Variants in SLC25A32 observed in about 807,000 individuals in gnomAD.
SLC25A32 encodes Glycine auxotroph B, complementation of hamster.
SLC25A32 carries 32 observed loss-of-function variants against 39.0 expected under a neutral mutation model. That is an observed-to-expected ratio of 0.82 (90% CI 0.62 to 1.10). SLC25A32 has a LOEUF of 1.10. Ranked by LOEUF, SLC25A32 falls within the 50% of genes least tolerant of loss-of-function variation. The pLI is 0.00. For missense variants in SLC25A32, 367 were observed against 395.3 expected (o/e 0.93, Z 0.61); for synonymous variants, 166 against 152.4 (o/e 1.09, Z -0.66).
intron 2 of SLC25A32, among the ~76,000 whole-genome samples, chr8:103,405,267 A>G (rs1816304645): frequency 6.6e-6 from 1 of 152,252 alleles, no homozygotes; most frequent in African/African-American, 2.4e-5. Context: ...GATGATAAAA[A>G]GATAAACAAG....
rs1220659953 is a variant in SLC25A32 at position 103,407,643 on chromosome 8, T to TA, written c.295dup (p.Tyr99LeufsTer12). 6.4e-7 allele frequency: 1 copy of TA among 1,569,356 alleles called. No homozygotes were observed. ...TCCCAAATCTACTCACAAGAAAAAGTAGAGTCCCCAGGATAAACCTGCACC... is the reference window on the plus strand; with the variant it reads ...TCCCAAATCTACTCACAAGAAAAAGTAAGAGTCCCCAGGATAAACCTGCACC... On this transcript the variant is annotated frameshift_variant, in exon 2 of 7. Transcript: ENST00000297578. LOFTEE classifies it high-confidence loss of function.
At chr8:103,404,077 T>TA (rs1816275590) in intron 3 of SLC25A32, among the ~76,000 whole-genome samples, 2 of 152,210 alleles carry the variant, frequency 1.3e-5, no homozygotes, top group Non-Finnish European at 2.9e-5. Context: ...TACAAAGACT[T>TA]ACGGCTCTTA....
chr8:103,401,750 T>C, intron 5 of SLC25A32, 89 bp from the exon 6 acceptor site: 1 of 1,218,762 alleles, frequency 8.2e-7, no homozygotes, highest in Non-Finnish European at 1.1e-6. Flanking sequence ...AACATTTAAA[T>C]GGATCTTTAA....
At chr8:103,401,841 C>A in intron 5 of SLC25A32, 100 bp downstream of exon 5, 1 of 1,011,774 alleles carries the variant, frequency 9.9e-7, no homozygotes, top group South Asian at 1.7e-5. Flanking sequence ...AGCCAGTACT[C>A]ATCATCATAG....
At chr8:103,409,947 G>A (rs1359765839) in intron 1 of SLC25A32, among the ~76,000 whole-genome samples, 1 of 152,142 alleles carries the variant, frequency 6.6e-6, no homozygotes, top group African/African-American at 2.4e-5. Flanking sequence ...AAGACAACAA[G>A]TTTAAAGGCA....
intron 4 of SLC25A32, 80 bp from the exon 5 acceptor site, chr8:103,402,134 C>T: frequency 2.3e-6 from 2 of 885,570 alleles, no homozygotes; most frequent in Non-Finnish European, 3.4e-6. Flanking sequence ...TTTCTCTTCT[C>T]TCTCATTACA....
intron 2 of SLC25A32, 57 bp downstream of exon 2, chr8:103,407,577 C>A (rs1586115058): frequency 1.5e-6 from 2 of 1,363,606 alleles, no homozygotes; most frequent in Non-Finnish European, 2.0e-6. Context: ...GTAAAAATCA[C>A]CGAAAACAAA....
At chr8:103,401,490 A>G in intron 6 of SLC25A32, 26 bp downstream of exon 6, 2 of 1,602,808 alleles carry the variant, frequency 1.2e-6, no homozygotes, top group Non-Finnish European at 1.7e-6. Flanking sequence ...TGTCAAAGCA[A>G]TTTTTGATAT....
chr8:103,401,418 G>C, intron 6 of SLC25A32, 98 bp downstream of exon 6: 1 of 1,137,030 alleles, frequency 8.8e-7, no homozygotes, highest in Non-Finnish European at 1.2e-6. Flanking sequence ...TTTCACCACA[G>C]CAAACTGGCC....
chr8:103,412,407 G>T (rs950986925), intron 1 of SLC25A32, among the ~76,000 whole-genome samples: 7 of 152,052 alleles, frequency 4.6e-5, no homozygotes, highest in African/African-American at 1.4e-4. Context: ...CATTCTTGAG[G>T]GTTTAAAATT....
At chr8:103,407,187 T>C (rs1387002649) in intron 2 of SLC25A32, among the ~76,000 whole-genome samples, 1 of 152,234 alleles carries the variant, frequency 6.6e-6, no homozygotes, top group Non-Finnish European at 1.5e-5. Flanking sequence ...TACAATTTCA[T>C]TGTGAATTAT....
chr8:103,402,181 A>G, intron 4 of SLC25A32, 127 bp from the exon 5 acceptor site: 3 of 600,168 alleles, frequency 5.0e-6, no homozygotes, highest in Non-Finnish European at 8.5e-6. Context: ...TGCACAAATC[A>G]CATTTTTAAA....
chr8:103,401,292 A>G (rs746126052), intron 6 of SLC25A32, among the ~76,000 whole-genome samples: 1 of 145,298 alleles, frequency 6.9e-6, no homozygotes, highest in Non-Finnish European at 1.5e-5. Context: ...TTTGATTCTT[A>G]TAACAACCTA....
Position 103,400,314 on chromosome 8 carries a change from G to A in SLC25A32, c.*97C>T, listed in dbSNP as rs1001526432. 42 of 1,399,606 alleles carry A rather than the reference G, an allele frequency of 3.0e-5. No homozygotes were observed. The highest frequency in any genetic ancestry group is 2.8e-4 in the Admixed American group (14 of 49,916). 86.7% of individuals were successfully genotyped at this position (1,399,606 alleles called of 1,614,324 possible). A position where few individuals can be genotyped will look rare whatever the true frequency, so the allele number is the denominator to read the frequency against. ...ATGACTATAGAGCAATTTCGAATATGAGCCATGTTTCTATGCAGAATTCTT... is the reference window on the plus strand; with the variant it reads ...ATGACTATAGAGCAATTTCGAATATAAGCCATGTTTCTATGCAGAATTCTT... On this transcript the variant is annotated 3_prime_UTR_variant, in exon 7 of 7. Coordinates refer to ENST00000297578, the MANE Select transcript of SLC25A32 (RefSeq NM_030780.5).
intron 1 of SLC25A32, among the ~76,000 whole-genome samples, chr8:103,408,312 A>G (rs1453804086): frequency 6.6e-6 from 1 of 152,080 alleles, no homozygotes; most frequent in Non-Finnish European, 1.5e-5. Flanking sequence ...TAAAACTACT[A>G]CATTCATGAA....
intron 1 of SLC25A32, among the ~76,000 whole-genome samples, chr8:103,408,126 C>T (rs1378572308): frequency 6.6e-6 from 1 of 151,152 alleles, no homozygotes; most frequent in Non-Finnish European, 1.5e-5. Context: ...AACAGGTACA[C>T]ATCACCATGC....
intron 1 of SLC25A32, 157 bp downstream of exon 1, chr8:103,414,627 A>C (rs1370420844): frequency 9.4e-7 from 1 of 1,059,212 alleles, no homozygotes; most frequent in African/African-American, 1.6e-5. Context: ...CGACCCCTCC[A>C]CCAAGCACCA....
At position 103,415,055 on chromosome 8, in the gene SLC25A32, C is replaced by G. The variant is rs1298763172; in HGVS notation, c.-118G>C. ...AGCGCAACCCCACCTCCGGGACCAA[C>G]GAGAGGACTCTTATGCCCAAGGCGC... On this transcript the variant is annotated 5_prime_UTR_variant, in exon 1 of 7. Coordinates refer to ENST00000297578, the MANE Select transcript of SLC25A32 (RefSeq NM_030780.5). 1.9e-6 allele frequency: 3 copies of G among 1,599,730 alleles called. No individual in the cohort carries two copies. The highest frequency in any genetic ancestry group is 2.6e-6 in the Non-Finnish European group (3 of 1,173,518).
At chr8:103,401,348 A>C in intron 6 of SLC25A32, 168 bp downstream of exon 6, 1 of 488,172 alleles carries the variant, frequency 2.0e-6, no homozygotes, top group Non-Finnish European at 3.6e-6. Flanking sequence ...TAAGTCTCAG[A>C]GAGATTAAGG....
Sources: allele counts gnomAD v4.1 joint callset (sites outside exome capture counted in the v4.1 genomes callset), GRCh38; gene constraint gnomAD v4.1.1; transcripts MANE v1.5; gene names NCBI Gene and HGNC (gene_info 2026-07-23, HGNC 2026-07-21).